Variants in RICTOR observed in about 807,000 individuals in gnomAD.
The protein encoded by RICTOR is RPTOR independent companion of MTOR complex 2, also known as rapamycin-insensitive companion of mTOR.
Under a neutral mutation model 214.9 loss-of-function variants are expected in RICTOR, and 49 were observed. The observed-to-expected ratio is 0.23, with a 90% CI of 0.18 to 0.29. The LOEUF (loss-of-function observed/expected upper bound fraction) is 0.29. Among genes scored for constraint, RICTOR ranks in the 10% least tolerant of loss-of-function variants. The probability of loss-of-function intolerance (pLI) is 1.00; values close to 1 mark genes in which losing one functional copy is unlikely to be tolerated. For missense variants in RICTOR, 1,625 were observed against 2,047.0 expected, an observed-to-expected ratio of 0.79 and a Z score of 3.98; for synonymous variants, 717 against 711.3, an observed-to-expected ratio of 1.01 and a Z score of -0.13.
Position 38,977,229 on chromosome 5 carries a change from C to A in RICTOR, c.821+1354G>T, listed in dbSNP as rs79324768. 3.2e-3 allele frequency among the ~76,000 whole-genome samples: 487 copies of A among 152,300 alleles called. 6 individuals are homozygous for A. The highest frequency in any genetic ancestry group is 0.011 in the African/African-American group (470 of 41,552). ...ACAGTAGCAAGAAACTAAATTTTCT[C>A]AACAATCTGAATGACCTTGGAAGTG... On this transcript the variant is annotated intron_variant, in intron 9 of 37. Transcript: ENST00000357387.
At position 38,953,075 on chromosome 5, in the gene RICTOR, G is replaced by A. The variant is rs1379876976; in HGVS notation, c.2807C>T (p.Ser936Leu). 1.2e-6 allele frequency: 2 copies of A among 1,603,024 alleles called. No homozygotes were observed. Among genetic ancestry groups the A allele is most frequent in the Non-Finnish European group, 1.7e-6 (2 of 1,171,686 alleles). The change falls in exon 29 of 38, where the codon TCA becomes TTA. Residue 936 changes from serine to leucine, a missense_variant. Ser to Leu is a moderately radical substitution (Grantham distance 145, BLOSUM62 -2). Coordinates refer to ENST00000357387, the MANE Select transcript of RICTOR (RefSeq NM_152756.5). Reference protein sequence around the residue: ...SLWALGNIGSSNWGLNLLQEE... With the variant: ...SLWALGNIGSLNWGLNLLQEE... ...CTGTAGCAAATTGAGACCCCAATTT[G>A]ATGAGCCGATATTTCCCTGAAAGAA...
intron 2 of RICTOR, among the ~76,000 whole-genome samples, chr5:39,025,026 A>G (rs983703980): frequency 3.3e-5 from 5 of 152,226 alleles, no homozygotes; most frequent in Admixed American, 1.3e-4. Context: ...AACAAACTGC[A>G]TGCACATAAT....
At chr5:39,029,430 G>C (rs1756102953) in intron 2 of RICTOR, among the ~76,000 whole-genome samples, 1 of 151,886 alleles carries the variant, frequency 6.6e-6, no homozygotes, top group Admixed American at 6.6e-5. Context: ...ATATATGTGT[G>C]TAAACATTAA....
intron 6 of RICTOR, among the ~76,000 whole-genome samples, chr5:38,991,467 A>T (rs1007771812): frequency 4.6e-5 from 7 of 152,040 alleles, no homozygotes; most frequent in African/African-American, 1.7e-4. Flanking sequence ...AACTCTCCAT[A>T]TACCATCATC....
chr5:39,066,087 C>A (rs892743348), intron 2 of RICTOR, among the ~76,000 whole-genome samples: 2 of 152,266 alleles, frequency 1.3e-5, no homozygotes, highest in African/African-American at 4.8e-5. Context: ...AATGAGGGCT[C>A]CACCCCTGCA....
chr5:39,033,824 C>T (rs1050516592), intron 2 of RICTOR, among the ~76,000 whole-genome samples: 7 of 151,974 alleles, frequency 4.6e-5, no homozygotes, highest in African/African-American at 1.7e-4. Flanking sequence ...CATGTACCAC[C>T]GAAACTAAAG....
At chr5:39,007,145 T>A (rs1754149675) in intron 3 of RICTOR, among the ~76,000 whole-genome samples, 1 of 152,200 alleles carries the variant, frequency 6.6e-6, no homozygotes, top group Non-Finnish European at 1.5e-5. Context: ...AGAAAAAGGT[T>A]AAGGCACTGT....
chr5:38,990,630 T>TATGAG lies in RICTOR; in HGVS notation c.583+318_583+319insCTCAT, dbSNP rs1173913179. Among the ~76,000 whole-genome samples, 8 of 78,848 alleles carry TATGAG rather than the reference T, an allele frequency of 1.0e-4. No homozygotes were observed. The East Asian group carries it at 2.8e-3, about 28-fold the overall frequency. The allele number at this position is 78,848 out of a possible 152,430, so 51.7% of individuals were successfully genotyped here. On this transcript the variant is annotated intron_variant, in intron 7 of 37. Coordinates refer to ENST00000357387, the MANE Select transcript of RICTOR (RefSeq NM_152756.5). ...TGATATATATACGATATATGATATA[T>TATGAG]ATATCTGACATATATCAGATATATG...
intron 2 of RICTOR, among the ~76,000 whole-genome samples, chr5:39,064,423 T>TA (rs1160731332): frequency 6.6e-6 from 1 of 152,206 alleles, no homozygotes; most frequent in African/African-American, 2.4e-5. Context: ...CATCAATCTA[T>TA]TGTGGGAGAG....
intron 2 of RICTOR, among the ~76,000 whole-genome samples, chr5:39,039,396 A>G (rs1756995765): frequency 6.6e-6 from 1 of 152,236 alleles, no homozygotes; most frequent in Admixed American, 6.5e-5. Flanking sequence ...CATTCAGGAC[A>G]TAGGCATGGG....
At chr5:38,947,542 G>A in intron 31 of RICTOR, 101 bp from the exon 32 acceptor site, 1 of 825,838 alleles carries the variant, frequency 1.2e-6, no homozygotes, top group Non-Finnish European at 1.9e-6. Flanking sequence ...AAGACAAGTA[G>A]CTAGTCATGT....
At position 38,953,388 on chromosome 5, in the gene RICTOR, A is replaced by G. The variant is rs985240667; in HGVS notation, c.2790+73T>C. On this transcript the variant is annotated intron_variant, in intron 28 of 37. Coordinates refer to ENST00000357387, the MANE Select transcript of RICTOR (RefSeq NM_152756.5). The stretch of plus-strand genomic sequence containing the variant: ...GTAGTTCCAAAGAAAATATTTATCT[A>G]TTTAGTATAAATGAAAAAAAAACTT... The G allele has an allele frequency of 2.8e-4, 179 of 630,672 alleles. 2 individuals are homozygous for G. In the Middle Eastern group the frequency reaches 8.2e-3, roughly 29 times the overall value. The allele number at this position is 630,672 out of a possible 1,614,324, so 39.1% of individuals were successfully genotyped here.
Position 39,074,384 on chromosome 5 carries a change from G to C in RICTOR, c.-7C>G. The C allele has an allele frequency of 6.5e-7, 1 of 1,538,726 alleles. No individual in the cohort carries two copies. The highest frequency in any genetic ancestry group is 8.8e-7 in the Non-Finnish European group (1 of 1,141,602). On this transcript the variant is annotated 5_prime_UTR_variant, in exon 1 of 38. Transcript: ENST00000357387. Reference sequence around the variant, plus strand: ...CGCGGCCGATCGCCGCCATATTGACGGGTTTCAGTCACAACACCGGAAACC... The same window carrying C: ...CGCGGCCGATCGCCGCCATATTGACCGGTTTCAGTCACAACACCGGAAACC...
At chr5:39,019,988 G>A (rs1033400074) in intron 3 of RICTOR, among the ~76,000 whole-genome samples, 11 of 152,162 alleles carry the variant, frequency 7.2e-5, no homozygotes, top group Admixed American at 5.2e-4. Context: ...ATGACTTTGA[G>A]GCGTTCAAGG....
At chr5:39,026,879 T>C in intron 2 of RICTOR, among the ~76,000 whole-genome samples, 1 of 151,770 alleles carries the variant, frequency 6.6e-6, no homozygotes, top group Middle Eastern at 3.2e-3. Context: ...TGGTCACGCA[T>C]GCCTGTTAAT....
In RICTOR at chr5:39,002,581, T is replaced by C. The variant is rs751238829; in HGVS notation, c.346A>G (p.Ile116Val). 5.6e-6 allele frequency: 9 copies of C among 1,611,162 alleles called. No individual in the cohort carries two copies. In the East Asian group the frequency reaches 1.8e-4, roughly 32 times the overall value. The change falls in exon 5 of 38, where the codon ATT (isoleucine) becomes GTT (valine). Residue 116 changes from isoleucine (I) to valine (V), a missense_variant. By Grantham distance (29) the Ile-to-Val change is conservative. Around this residue, in one of 5 missense-constraint regions of RICTOR, gnomAD observed 258 missense variants for 393.7 expected, o/e 0.66. Transcript: ENST00000357387. ...TTCAATTTTAGCACCTTCTGGAGAA[T>C]ACTGGAGTCTTGGATGAGATATCGA... ...ALRYLIQDSS[I>V]LQKVLKLKVD... is the part of the protein sequence containing the mutation.
chr5:38,943,061 C>T, intron 36 of RICTOR, 90 bp from the exon 37 acceptor site: 1 of 898,202 alleles, frequency 1.1e-6, no homozygotes, highest in Non-Finnish European at 1.8e-6. Context: ...AAATAGATTT[C>T]CCTACAGATA....
intron 5 of RICTOR, among the ~76,000 whole-genome samples, chr5:39,001,423 A>C (rs1362222269): frequency 6.6e-6 from 1 of 152,100 alleles, no homozygotes; most frequent in Admixed American, 6.5e-5. Context: ...CATATCTTAC[A>C]CAACCATCAA....
At chr5:39,039,499 C>T (rs1209209475) in intron 2 of RICTOR, among the ~76,000 whole-genome samples, 2 of 152,088 alleles carry the variant, frequency 1.3e-5, no homozygotes, top group Non-Finnish European at 1.5e-5. Flanking sequence ...TTCTGCACAG[C>T]AAAAGAAACT....
Sources: gnomAD v4.1 joint callset for allele counts (sites outside exome capture counted in the v4.1 genomes callset) on GRCh38, gnomAD v4.1.1 for gene constraint, gnomAD v4.1.1 regional missense constraint, MANE v1.5 for transcripts, NCBI Gene and HGNC (gene_info 2026-07-23, HGNC 2026-07-21) for gene names.